Variants in NUMB observed in about 807,000 individuals in gnomAD.
NUMB encodes the protein NUMB endocytic adaptor protein, also known as protein numb homolog.
Under a neutral mutation model 59.7 loss-of-function variants are expected in NUMB, and 29 were observed. That is an observed-to-expected ratio of 0.49 (90% CI 0.36 to 0.66). The LOEUF (loss-of-function observed/expected upper bound fraction) is 0.66. Among genes scored for constraint, NUMB ranks in the 30% least tolerant of loss-of-function variants. The probability of loss-of-function intolerance (pLI) is 0.00; values close to 1 mark genes in which losing one functional copy is unlikely to be tolerated. For synonymous variants in NUMB, 288 were observed against 288.2 expected, an observed-to-expected ratio of 1.00 and a Z score of 0.01; for missense variants, 723 against 822.0, an observed-to-expected ratio of 0.88 and a Z score of 1.47.
intron 4 of NUMB, among the ~76,000 whole-genome samples, chr14:73,353,074 T>TTTTC (rs1169272491): frequency 1.5e-5 from 1 of 66,832 alleles, no homozygotes; most frequent in African/African-American, 1.3e-4. Flanking sequence ...TTTTTCTTGT[T>TTTTC]TTTTTTTTTT....
At chr14:73,370,470 G>A (rs1262931082) in intron 2 of NUMB, among the ~76,000 whole-genome samples, 2 of 152,012 alleles carry the variant, frequency 1.3e-5, no homozygotes, top group Non-Finnish European at 2.9e-5. Context: ...GGTGGGTGGA[G>A]CACCTAAGGT....
intron 2 of NUMB, among the ~76,000 whole-genome samples, chr14:73,377,220 ATAAT>A (rs1249178510): frequency 3.3e-5 from 5 of 152,360 alleles, no homozygotes; most frequent in African/African-American, 9.6e-5. Flanking sequence ...CATTAAAGAA[ATAAT>A]TAATAAGCTG....
At chr14:73,430,737 C>A (rs971665489) in intron 1 of NUMB, among the ~76,000 whole-genome samples, 1 of 151,840 alleles carries the variant, frequency 6.6e-6, no homozygotes, top group East Asian at 1.9e-4. Flanking sequence ...GTCAGGAGAT[C>A]GAGACCATTC....
intron 1 of NUMB, among the ~76,000 whole-genome samples, chr14:73,420,300 C>G (rs539954282): frequency 1.3e-4 from 20 of 152,218 alleles, no homozygotes; most frequent in Admixed American, 2.0e-4. Flanking sequence ...TCAACAGACT[C>G]ACACTCCAAA....
intron 10 of NUMB, among the ~76,000 whole-genome samples, 193 bp from the exon 11 acceptor site, chr14:73,282,698 G>C (rs897673186): frequency 6.6e-5 from 10 of 152,308 alleles, no homozygotes; most frequent in African/African-American, 2.2e-4. Flanking sequence ...TTTCAGATGG[G>C]AAAGTATAAA....
chr14:73,446,550 A>G (rs1883522513), intron 1 of NUMB, among the ~76,000 whole-genome samples: 1 of 151,572 alleles, frequency 6.6e-6, no homozygotes, highest in African/African-American at 2.4e-5. Flanking sequence ...GGTTGCAGTG[A>G]GCCAAGATAG....
rs892705620 is a variant in NUMB, at chr14:73,385,978, T to G, written c.-100-18997A>C. 2.6e-5 allele frequency among the ~76,000 whole-genome samples: 4 copies of G among 152,230 alleles called. No individual in the cohort carries two copies. The East Asian group carries it at 7.7e-4, about 29-fold the overall frequency. On this transcript the variant is annotated intron_variant, in intron 2 of 12. Coordinates refer to ENST00000555238, the MANE Select transcript of NUMB (RefSeq NM_001005743.2). ...CTATAGATTCTGAAGTATTGTACAC[T>G]GATAAAATGCTGTCTGACAACCTTA...
At position 73,389,282 on chromosome 14, in the gene NUMB, A is replaced by C. The variant is rs1026511090; in HGVS notation, c.-101+20655T>G. On this transcript the variant is annotated intron_variant, in intron 2 of 12. Transcript: ENST00000555238. ...CGAGACTCCATCTCTCAAAAAAAAAAAAAAAAAAAAACAAAAACAAAAACA... is the reference window on the plus strand; with the variant it reads ...CGAGACTCCATCTCTCAAAAAAAAACAAAAAAAAAAACAAAAACAAAAACA... 8.6e-5 allele frequency among the ~76,000 whole-genome samples: 8 copies of C among 93,170 alleles called. 1 individual carries two copies. Among genetic ancestry groups the C allele is most frequent in the African/African-American group, 3.0e-4 (4 of 13,456 alleles). 61.1% of individuals were successfully genotyped at this position (93,170 alleles called of 152,430 possible).
chr14:73,437,108 C>G lies in NUMB; in HGVS notation c.-233+21385G>C, dbSNP rs374869490. On this transcript the variant is annotated intron_variant, in intron 1 of 12. Coordinates refer to ENST00000555238, the MANE Select transcript of NUMB (RefSeq NM_001005743.2). Reference sequence around the variant, plus strand: ...TTGCCCAGGCTGGAGTGCAGTGGCACGATCACAACTCACAGCAGCCTCAAC... The same window carrying G: ...TTGCCCAGGCTGGAGTGCAGTGGCAGGATCACAACTCACAGCAGCCTCAAC... Among the ~76,000 whole-genome samples the G allele has an allele frequency of 9.6e-5, 13 of 135,990 alleles. No homozygotes were observed. In the South Asian group the frequency reaches 3.0e-3, roughly 31 times the overall value. 89.2% of individuals were successfully genotyped at this position (135,990 alleles called of 152,430 possible). A position where few individuals can be genotyped will look rare whatever the true frequency, so the allele number is the denominator to read the frequency against.
intron 2 of NUMB, among the ~76,000 whole-genome samples, chr14:73,372,311 A>ATATATATATATATATATTTCTTT (rs1566766410): frequency 4.8e-4 from 45 of 93,700 alleles, no homozygotes; most frequent in Non-Finnish European, 7.0e-4. Flanking sequence ...TCTTTTATAT[A>ATATATATATATATATATTTCTTT]TATATATATA....
At chr14:73,456,348 G>T (rs1055306550) in intron 1 of NUMB, among the ~76,000 whole-genome samples, 2 of 152,090 alleles carry the variant, frequency 1.3e-5, no homozygotes, top group Admixed American at 1.3e-4. Flanking sequence ...GACCTCAAGT[G>T]ATCCGCCCGC....
At chr14:73,330,071 C>T (rs1326842106) in intron 4 of NUMB, among the ~76,000 whole-genome samples, 1 of 152,144 alleles carries the variant, frequency 6.6e-6, no homozygotes, top group Non-Finnish European at 1.5e-5. Flanking sequence ...CAGGATCTTG[C>T]TTTGTCACCC....
intron 1 of NUMB, among the ~76,000 whole-genome samples, chr14:73,424,956 T>G (rs1269919800): frequency 6.6e-6 from 1 of 152,246 alleles, no homozygotes; most frequent in Non-Finnish European, 1.5e-5. Context: ...GCTGGAAGTT[T>G]GTCCTATAAT....
At chr14:73,419,042 T>C (rs765542126) in intron 1 of NUMB, among the ~76,000 whole-genome samples, 1 of 152,180 alleles carries the variant, frequency 6.6e-6, no homozygotes, top group Non-Finnish European at 1.5e-5. Context: ...GAATCAAAGT[T>C]AAAACTTGGA....
chr14:73,348,784 A>C (rs1476958749), intron 4 of NUMB, among the ~76,000 whole-genome samples: 2 of 152,238 alleles, frequency 1.3e-5, no homozygotes, highest in Non-Finnish European at 2.9e-5. Flanking sequence ...TGAGAATTAC[A>C]CTGAAAGATA....
chr14:73,367,688 T>C (rs756521037), intron 2 of NUMB, among the ~76,000 whole-genome samples: 33 of 149,150 alleles, frequency 2.2e-4, no homozygotes, highest in Admixed American at 1.4e-4. Flanking sequence ...GACAGAAGGA[T>C]AGGTTGAGCC....
intron 2 of NUMB, among the ~76,000 whole-genome samples, chr14:73,391,595 AT>A (rs1895857487): frequency 6.6e-6 from 1 of 152,192 alleles, no homozygotes; most frequent in Admixed American, 6.5e-5. Flanking sequence ...AAGCTTTAGC[AT>A]ACATAAAAAT....
intron 1 of NUMB, among the ~76,000 whole-genome samples, chr14:73,444,068 C>T (rs536364965): frequency 3.9e-5 from 6 of 152,182 alleles, no homozygotes; most frequent in East Asian, 3.9e-4. Flanking sequence ...CCACCTTGCC[C>T]GGGCCGAGAG....
At chr14:73,352,448 ACAC>A (rs1893360254) in intron 4 of NUMB, among the ~76,000 whole-genome samples, 1 of 49,374 alleles carries the variant, frequency 2.0e-5, no homozygotes, top group Non-Finnish European at 3.7e-5. Context: ...ACACACACAC[ACAC>A]ACACACATAC....
Sources: gnomAD v4.1 joint callset for allele counts (sites outside exome capture counted in the v4.1 genomes callset) on GRCh38, gnomAD v4.1.1 for gene constraint, MANE v1.5 for transcripts, NCBI Gene and HGNC (gene_info 2026-07-23, HGNC 2026-07-21) for gene names.